The following PCDH11Y variants were observed in gnomAD, a reference collection of about 807,000 sequenced individuals.
PCDH11Y encodes protocadherin-11 Y-linked.
For missense variants in PCDH11Y, 12 were observed against 224.8 expected, an observed-to-expected ratio of 0.05 and a Z score of 6.05; for synonymous variants, 9 against 83.6, an observed-to-expected ratio of 0.11 and a Z score of 4.87.
chrY:5,530,503 CT>C (rs2053391816), intron 3 of PCDH11Y, among the ~76,000 whole-genome samples: 1 of 32,622 alleles, frequency 3.1e-5, no homozygotes, highest in Non-Finnish European at 7.6e-5. Context: ...TAAATCAGTA[CT>C]ATTTTTTTTT....
chrY:5,615,349 G>T (rs2053492581), intron 4 of PCDH11Y: 2 of 62,110 alleles, frequency 3.2e-5, no homozygotes, highest in African/African-American at 2.1e-4. Flanking sequence ...ATAAAGTAGG[G>T]GTTCATTGTC....
intron 2 of PCDH11Y, among the ~76,000 whole-genome samples, chrY:5,373,778 A>G: frequency 9.8e-5 from 3 of 30,533 alleles, no homozygotes; most frequent in Non-Finnish European, 2.3e-4. Context: ...ACACACACAC[A>G]TAAATGTTTT....
At chrY:5,447,924 A>G in intron 2 of PCDH11Y, among the ~76,000 whole-genome samples, 1 of 31,318 alleles carries the variant, frequency 3.2e-5, no homozygotes, top group African/African-American at 1.3e-4. Flanking sequence ...ATTAAGCAAC[A>G]CACACTTATT....
chrY:5,070,764 T>C, intron 1 of PCDH11Y, among the ~76,000 whole-genome samples: 4 of 32,048 alleles, frequency 1.2e-4, no homozygotes. Context: ...AACTCCTGTC[T>C]TGGGGGTTTA....
chrY:5,706,235 G>T, intron 4 of PCDH11Y, among the ~76,000 whole-genome samples: 1 of 32,008 alleles, frequency 3.1e-5, no homozygotes, highest in Non-Finnish European at 7.7e-5. Flanking sequence ...TAATCAAATA[G>T]TGTGTATAAG....
At chrY:5,406,793 G>T in intron 2 of PCDH11Y, among the ~76,000 whole-genome samples, 1 of 33,283 alleles carries the variant, frequency 3.0e-5, no homozygotes, top group East Asian at 7.8e-4. Flanking sequence ...TTAAAATTAG[G>T]TATATAGAGG....
At chrY:5,433,033 C>T in intron 2 of PCDH11Y, among the ~76,000 whole-genome samples, 1 of 33,011 alleles carries the variant, frequency 3.0e-5, no homozygotes, top group Non-Finnish European at 7.5e-5. Context: ...GCGATTTCAC[C>T]GGCATTATAA....
chrY:5,238,313 G>A (rs2052980764), intron 2 of PCDH11Y, among the ~76,000 whole-genome samples: 1 of 33,428 alleles, frequency 3.0e-5, no homozygotes, highest in Non-Finnish European at 7.4e-5. Context: ...ACAAAAACAA[G>A]CAATGGGGAA....
At chrY:5,329,326 G>A in intron 2 of PCDH11Y, among the ~76,000 whole-genome samples, 1 of 32,166 alleles carries the variant, frequency 3.1e-5, no homozygotes, top group African/African-American at 1.2e-4. Context: ...AAAGGGTTGG[G>A]GCACAGAAAT....
intron 4 of PCDH11Y, among the ~76,000 whole-genome samples, chrY:5,729,280 G>A: frequency 1.2e-4 from 4 of 33,292 alleles, no homozygotes; most frequent in South Asian, 6.5e-4. Context: ...CTTTGTTAGC[G>A]TCTGTTGTTT....
intron 1 of PCDH11Y, among the ~76,000 whole-genome samples, 154 bp downstream of exon 1, chrY:5,000,759 T>G: frequency 6.7e-5 from 2 of 30,015 alleles, no homozygotes; most frequent in Non-Finnish European, 8.0e-5. Context: ...CCCTTCCCCC[T>G]TCTCTTCCCG....
At chrY:5,457,156 GT>G (rs2053299161) in intron 2 of PCDH11Y, among the ~76,000 whole-genome samples, 1 of 33,428 alleles carries the variant, frequency 3.0e-5, no homozygotes, top group African/African-American at 1.2e-4. Flanking sequence ...CAAATTAAGT[GT>G]TTTATATAAT....
intron 1 of PCDH11Y, among the ~76,000 whole-genome samples, chrY:5,069,426 C>G: frequency 3.0e-5 from 1 of 33,000 alleles, no homozygotes; most frequent in Admixed American, 2.8e-4. Flanking sequence ...GTAAAGTTTT[C>G]AGAAGCTCAA....
At chrY:5,077,943 G>A in intron 1 of PCDH11Y, among the ~76,000 whole-genome samples, 4 of 30,892 alleles carry the variant, frequency 1.3e-4, no homozygotes, top group African/African-American at 5.2e-4. Flanking sequence ...AGGTAAATGT[G>A]TGCCGTGGTG....
At chrY:5,386,205 G>A (rs2053215295) in intron 2 of PCDH11Y, among the ~76,000 whole-genome samples, 8 of 33,470 alleles carry the variant, frequency 2.4e-4, no homozygotes, top group Admixed American at 1.7e-3. Flanking sequence ...AGCTTGGAGG[G>A]TTTCTGCTGA....
intron 2 of PCDH11Y, among the ~76,000 whole-genome samples, chrY:5,169,954 A>T: frequency 3.2e-5 from 1 of 31,470 alleles, no homozygotes; most frequent in Admixed American, 3.0e-4. Context: ...AATCCCATGC[A>T]AAGTTAATTA....
intron 2 of PCDH11Y, among the ~76,000 whole-genome samples, chrY:5,360,614 A>G (rs2053173884): frequency 3.0e-5 from 1 of 32,958 alleles, no homozygotes; most frequent in African/African-American, 1.2e-4. Flanking sequence ...ATTGGTTTTC[A>G]TTTGCAAATT....
At chrY:5,377,837 G>A (rs2053199642) in intron 2 of PCDH11Y, among the ~76,000 whole-genome samples, 2 of 32,240 alleles carry the variant, frequency 6.2e-5, no homozygotes, top group African/African-American at 2.4e-4. Flanking sequence ...TGCAACCTCC[G>A]CCTCCCAGGT....
chrY:5,120,850 C>T, intron 2 of PCDH11Y, among the ~76,000 whole-genome samples: 1 of 33,772 alleles, frequency 3.0e-5, no homozygotes, highest in Non-Finnish European at 7.4e-5. Context: ...AACACTGTAA[C>T]AACTGTATGA....
Sources: allele counts gnomAD v4.1 joint callset (sites outside exome capture counted in the v4.1 genomes callset), GRCh38; gene constraint gnomAD v4.1.1; transcripts MANE v1.5; gene names NCBI Gene and HGNC (gene_info 2026-07-23, HGNC 2026-07-21).